RAD51B: variants seen among roughly 807,000 people sequenced by gnomAD.
The protein encoded by RAD51B is DNA repair protein RAD51 homolog 2.
A neutral mutation model predicts 42.2 loss-of-function variants in RAD51B; 38 were observed. The ratio of observed to expected loss-of-function variants is 0.90; its 90% CI spans 0.70 to 1.18. RAD51B has a LOEUF of 1.18. RAD51B is among the 50% of genes most tolerant of loss of function. The pLI is 0.00. For missense variants in RAD51B, 373 were observed against 400.7 expected (o/e 0.93, Z 0.59); for synonymous variants, 154 against 145.2 (o/e 1.06, Z -0.43).
At chr14:68,613,268 A>G (rs894526392), downstream of RAD51B, among the ~76,000 whole-genome samples, 2 of 151,522 alleles carry the variant, frequency 1.3e-5, no homozygotes, top group Non-Finnish European at 2.9e-5. Context: ...ATACAAAACA[A>G]TTAGCCAGGC....
intron 3 of RAD51B, among the ~76,000 whole-genome samples, chr14:67,828,058 T>A (rs917590891): frequency 5.3e-5 from 8 of 152,262 alleles, no homozygotes; most frequent in Admixed American, 1.3e-4. Context: ...CTTTGAGGAA[T>A]TGCCACACTG....
At chr14:68,488,080 G>GTGGATGGATACATGAA (rs1883767770) in intron 10 of RAD51B, among the ~76,000 whole-genome samples, 1 of 152,100 alleles carries the variant, frequency 6.6e-6, no homozygotes, top group Admixed American at 6.5e-5. Context: ...GAAAACGTGG[G>GTGGATGGATACATGAA]TGGATGGATA....
At chr14:68,082,130 C>T (rs1810639) in intron 7 of RAD51B, among the ~76,000 whole-genome samples, 39,185 of 151,510 alleles carry the variant, frequency 0.26, 6,540 homozygotes, top group African/African-American at 0.48. Flanking sequence ...CTGGCTAATT[C>T]TTTGTGGTTT....
At chr14:68,230,214 G>A (rs150780905) in intron 7 of RAD51B, among the ~76,000 whole-genome samples, 114 of 152,210 alleles carry the variant, frequency 7.5e-4, no homozygotes, top group African/African-American at 2.3e-3. Flanking sequence ...TTGATTGCAA[G>A]CAATATAAAT....
chr14:68,639,869 T>G (rs1892420874), intron 10 of RAD51B, among the ~76,000 whole-genome samples: 1 of 152,126 alleles, frequency 6.6e-6, no homozygotes, highest in African/African-American at 2.4e-5. Flanking sequence ...GGCTCACTGC[T>G]GCCTCCATCT....
intron 8 of RAD51B, among the ~76,000 whole-genome samples, chr14:68,330,034 T>C (rs1476222059): frequency 3.3e-5 from 5 of 150,066 alleles, no homozygotes; most frequent in East Asian, 3.9e-4. Context: ...AAAGAGTCAA[T>C]TATGTTAAAG....
Position 67,848,394 on chromosome 14 carries a change from G to A in RAD51B, c.315+13198G>A, listed in dbSNP as rs140782658. 1.6e-3 allele frequency among the ~76,000 whole-genome samples: 246 copies of A among 152,150 alleles called. 3 individuals carry two copies. The highest frequency in any genetic ancestry group is 0.013 in the East Asian group (68 of 5,178). ...TATGGTTTAAAGTCTGTTTTATCTG[G>A]TATAAGAATAGTGACTTCTGCTTGT... On this transcript the variant is annotated intron_variant, in intron 4 of 10. Transcript: ENST00000471583.
intron 10 of RAD51B, among the ~76,000 whole-genome samples, chr14:68,625,383 G>T (rs1475186937): frequency 6.6e-6 from 1 of 152,194 alleles, no homozygotes. Flanking sequence ...TTGGCAGAAT[G>T]AAGGACCGCC....
At chr14:68,148,900 A>G (rs886920519) in intron 7 of RAD51B, among the ~76,000 whole-genome samples, 5 of 152,192 alleles carry the variant, frequency 3.3e-5, no homozygotes, top group African/African-American at 9.7e-5. Context: ...GGTTAGGTAT[A>G]TTACATTTAT....
At chr14:68,412,728 C>T (rs2084452979) in intron 9 of RAD51B, among the ~76,000 whole-genome samples, 1 of 152,176 alleles carries the variant, frequency 6.6e-6, no homozygotes, top group Non-Finnish European at 1.5e-5. Flanking sequence ...CTCAATGGCA[C>T]CTTTTCCCTG....
intron 7 of RAD51B, among the ~76,000 whole-genome samples, chr14:68,197,167 A>G (rs2079389803): frequency 6.6e-6 from 1 of 152,190 alleles, no homozygotes; most frequent in Non-Finnish European, 1.5e-5. Context: ...TGAGCTTTGA[A>G]AAAAATATTT....
intron 7 of RAD51B, among the ~76,000 whole-genome samples, chr14:67,948,712 A>T (rs2074381266): frequency 6.6e-6 from 1 of 151,862 alleles, no homozygotes. Flanking sequence ...CAGGCAGATC[A>T]CAAGGTCAGG....
intron 5 of RAD51B, among the ~76,000 whole-genome samples, chr14:67,880,892 G>T (rs150318190): frequency 8.5e-5 from 13 of 152,224 alleles, no homozygotes; most frequent in African/African-American, 3.1e-4. Flanking sequence ...AAAATCCCAG[G>T]TACAGTCATG....
At chr14:68,658,936 A>G (rs1244518820) in intron 11 of RAD51B, among the ~76,000 whole-genome samples, 2 of 152,246 alleles carry the variant, frequency 1.3e-5, no homozygotes, top group African/African-American at 4.8e-5. Context: ...GAGGCTGTAC[A>G]GCCCAGGATG....
intron 9 of RAD51B, among the ~76,000 whole-genome samples, chr14:68,447,509 C>T (rs1187123823): frequency 6.6e-6 from 1 of 150,794 alleles, no homozygotes; most frequent in Non-Finnish European, 1.5e-5. Context: ...AAGCATGAAA[C>T]TTACAATAAA....
intron 10 of RAD51B, among the ~76,000 whole-genome samples, chr14:68,582,418 T>G (rs528919432): frequency 1.3e-5 from 2 of 152,358 alleles, no homozygotes; most frequent in African/African-American, 4.8e-5. Flanking sequence ...TCATCATCAC[T>G]GATCACTAGA....
At chr14:68,264,381 G>A (rs2080946325) in intron 7 of RAD51B, among the ~76,000 whole-genome samples, 1 of 152,202 alleles carries the variant, frequency 6.6e-6, no homozygotes, top group Admixed American at 6.5e-5. Flanking sequence ...GACTCCTGAC[G>A]GTATCCAAGG....
chr14:68,288,817 T>C (rs1395665457), intron 7 of RAD51B, among the ~76,000 whole-genome samples: 1 of 152,188 alleles, frequency 6.6e-6, no homozygotes, highest in Non-Finnish European at 1.5e-5. Context: ...GTCCCAATCA[T>C]TTTCACCAAG....
At chr14:68,167,646 A>G (rs548598139) in intron 7 of RAD51B, among the ~76,000 whole-genome samples, 9 of 151,926 alleles carry the variant, frequency 5.9e-5, no homozygotes, top group Middle Eastern at 3.4e-3. Flanking sequence ...AAGTACTCAG[A>G]TTAAGATTTG....
Sources: gnomAD v4.1 joint callset for allele counts (sites outside exome capture counted in the v4.1 genomes callset) on GRCh38, gnomAD v4.1.1 for gene constraint, MANE v1.5 for transcripts, NCBI Gene and HGNC (gene_info 2026-07-23, HGNC 2026-07-21) for gene names.